SYN2: variants seen among roughly 807,000 people sequenced by gnomAD.
The protein encoded by SYN2 is synapsin-2.
Under a neutral mutation model 50.9 loss-of-function variants are expected in SYN2, and 19 were observed. The observed-to-expected ratio is 0.37, with a 90% CI of 0.26 to 0.55. SYN2 has a LOEUF of 0.55. Among genes scored for constraint, SYN2 ranks in the 20% least tolerant of loss-of-function variants. The pLI, the probability that SYN2 is intolerant of heterozygous loss-of-function variation, is 0.81. For synonymous variants in SYN2, 255 were observed against 224.9 expected, an observed-to-expected ratio of 1.13 and a Z score of -1.20; for missense variants, 587 against 576.4, an observed-to-expected ratio of 1.02 and a Z score of -0.19.
chr3:12,126,960 A>C (rs1427400026), intron 1 of SYN2, among the ~76,000 whole-genome samples: 1 of 152,164 alleles, frequency 6.6e-6, no homozygotes, highest in African/African-American at 2.4e-5. Context: ...CCTTCCCCCT[A>C]CCAAGTGCCT....
intron 1 of SYN2, among the ~76,000 whole-genome samples, chr3:12,060,890 C>A (rs1229511505): frequency 1.3e-5 from 2 of 152,142 alleles, no homozygotes; most frequent in African/African-American, 4.8e-5. Context: ...TGTCTTCAAA[C>A]CAAGCATCAG....
chr3:12,068,530 C>G (rs1695270644), intron 1 of SYN2, among the ~76,000 whole-genome samples: 1 of 152,172 alleles, frequency 6.6e-6, no homozygotes, highest in African/African-American at 2.4e-5. Flanking sequence ...GGGTAACAAG[C>G]CTTTCAATTC....
At chr3:12,040,424 C>G in intron 1 of SYN2, among the ~76,000 whole-genome samples, 1 of 135,232 alleles carries the variant, frequency 7.4e-6, no homozygotes, top group South Asian at 2.5e-4. Flanking sequence ...TTGGCAAGTT[C>G]TGTTTCTTTT....
At chr3:12,084,337 C>G (rs2125176741) in intron 1 of SYN2, among the ~76,000 whole-genome samples, 1 of 152,106 alleles carries the variant, frequency 6.6e-6, no homozygotes, top group Non-Finnish European at 1.5e-5. Context: ...GAAATGTAAT[C>G]TATTAAATTA....
chr3:12,161,626 G>A lies in SYN2; in HGVS notation c.837+18G>A, dbSNP rs775675912. 3.1e-6 allele frequency: 5 copies of A among 1,613,926 alleles called. No homozygotes were observed. Among genetic ancestry groups the A allele is most frequent in the Non-Finnish European group, 2.5e-6 (3 of 1,179,834 alleles). On this transcript the variant is annotated intron_variant, in intron 6 of 12. Transcript: ENST00000621198. ...TGGGCAAGGTGAGGCAGAGAGGCCT[G>A]CTGTGCTTCAGGGTTGAACCAAGAA...
At chr3:12,109,801 A>G (rs1378209579) in intron 1 of SYN2, among the ~76,000 whole-genome samples, 2 of 152,222 alleles carry the variant, frequency 1.3e-5, no homozygotes, top group Middle Eastern at 3.2e-3. Flanking sequence ...GACTTGGGAG[A>G]AATTCAGATC....
In SYN2 at chr3:12,074,240, C is replaced by G. The variant is rs184899191; in HGVS notation, c.378-66411C>G. Among the ~76,000 whole-genome samples the G allele has an allele frequency of 3.9e-5, 6 of 152,154 alleles. No individual in the cohort carries two copies. In the East Asian group the frequency reaches 1.2e-3, roughly 29 times the overall value. ...TTATGTATTTTAGGTGTATCTCTTG[C>G]AAAACAGCCTATAAATGAATTTTCA... On this transcript the variant is annotated intron_variant, in intron 1 of 12. Coordinates refer to ENST00000621198, the MANE Select transcript of SYN2 (RefSeq NM_133625.6).
chr3:12,107,807 G>A (rs1331908761), intron 1 of SYN2, among the ~76,000 whole-genome samples: 2 of 152,146 alleles, frequency 1.3e-5, no homozygotes, highest in African/African-American at 4.8e-5. Flanking sequence ...AGTGCAGGAT[G>A]GGGTTTTAAC....
intron 10 of SYN2, among the ~76,000 whole-genome samples, chr3:12,179,454 TG>T (rs1014398066): frequency 2.0e-5 from 3 of 150,242 alleles, no homozygotes; most frequent in Non-Finnish European, 4.4e-5. Flanking sequence ...GTCATGTGCC[TG>T]CAGCTACATG....
intron 1 of SYN2, among the ~76,000 whole-genome samples, chr3:12,063,947 A>G (rs1202947836): frequency 6.6e-6 from 1 of 151,936 alleles, no homozygotes; most frequent in Non-Finnish European, 1.5e-5. Flanking sequence ...TGAGCTGTGC[A>G]TAGTGCCATC....
At chr3:12,051,836 C>G (rs1694871079) in intron 1 of SYN2, among the ~76,000 whole-genome samples, 1 of 152,180 alleles carries the variant, frequency 6.6e-6, no homozygotes, top group South Asian at 2.1e-4. Flanking sequence ...GTGTTAGGAT[C>G]TCATTCCTTC....
chr3:12,169,554 A>G (rs531815501), intron 9 of SYN2, among the ~76,000 whole-genome samples: 2 of 152,262 alleles, frequency 1.3e-5, no homozygotes, highest in Admixed American at 1.3e-4. Flanking sequence ...AAGCTTGGGG[A>G]AAAGACCTGA....
intron 1 of SYN2, among the ~76,000 whole-genome samples, chr3:12,076,684 G>A (rs919201039): frequency 6.6e-6 from 1 of 152,072 alleles, no homozygotes; most frequent in Non-Finnish European, 1.5e-5. Flanking sequence ...TGTTAGGTAA[G>A]TATTATTACT....
rs910508232 is a variant in SYN2, at chr3:12,189,680, G to T, written c.1614-810G>T. Among the ~76,000 whole-genome samples, 2 of 152,190 alleles carry T rather than the reference G, an allele frequency of 1.3e-5. 1 individual carries two copies. The highest frequency in any genetic ancestry group is 4.1e-4 in the South Asian group (2 of 4,834). ...TAGCTGGGCATGGTGGCAACCATCTGTAGTCCCAGCTACTTGGGAGGCTGA... is the reference window on the plus strand; with the variant it reads ...TAGCTGGGCATGGTGGCAACCATCTTTAGTCCCAGCTACTTGGGAGGCTGA... On this transcript the variant is annotated intron_variant, in intron 12 of 12. Transcript: ENST00000621198.
intron 1 of SYN2, among the ~76,000 whole-genome samples, chr3:12,046,253 G>C (rs79772513): frequency 0.048 from 7,279 of 152,172 alleles, 250 homozygotes; most frequent in East Asian, 0.15. Flanking sequence ...GAAAGGTTTT[G>C]GTGAGTATAT....
At chr3:12,006,553 T>G (rs893002070) in intron 1 of SYN2, among the ~76,000 whole-genome samples, 1 of 152,140 alleles carries the variant, frequency 6.6e-6, no homozygotes, top group Non-Finnish European at 1.5e-5. Flanking sequence ...AAACTGAGGC[T>G]TAGGAAAGGT....
intron 5 of SYN2, among the ~76,000 whole-genome samples, chr3:12,151,576 T>A (rs1697293842): frequency 6.6e-6 from 1 of 152,236 alleles, no homozygotes; most frequent in Non-Finnish European, 1.5e-5. Context: ...AACAAACTTC[T>A]GGACCAACAA....
rs58208149 is a variant in SYN2, at chr3:12,143,504, T to G, written c.527+1508T>G. 7.6e-3 allele frequency among the ~76,000 whole-genome samples: 1,152 copies of G among 152,316 alleles called. 10 individuals carry two copies. Among genetic ancestry groups the G allele is most frequent in the African/African-American group, 0.026 (1,085 of 41,554 alleles). ...CCATCTTTATGTCTATGTGTACCCA[T>G]TATTTGGCTCCCACTTATAAGTGAC... On this transcript the variant is annotated intron_variant, in intron 3 of 12. Coordinates refer to ENST00000621198, the MANE Select transcript of SYN2 (RefSeq NM_133625.6).
intron 1 of SYN2, among the ~76,000 whole-genome samples, chr3:12,047,896 C>G (rs1457554149): frequency 6.6e-6 from 1 of 152,024 alleles, no homozygotes; most frequent in Non-Finnish European, 1.5e-5. Flanking sequence ...TGCTGTAAAC[C>G]ATTCAGATTT....
Sources: allele counts gnomAD v4.1 joint callset (sites outside exome capture counted in the v4.1 genomes callset), GRCh38; gene constraint gnomAD v4.1.1; transcripts MANE v1.5; gene names NCBI Gene and HGNC (gene_info 2026-07-23, HGNC 2026-07-21).